Variants in ASTN2 observed in about 807,000 individuals in gnomAD.
The protein encoded by ASTN2 is astrotactin-2.
In ASTN2, 54 loss-of-function variants were observed where a neutral mutation model predicts 139.8. The observed-to-expected ratio is 0.39, with a 90% CI of 0.31 to 0.48. The LOEUF (loss-of-function observed/expected upper bound fraction) is 0.48. Among genes scored for constraint, ASTN2 ranks in the 20% least tolerant of loss-of-function variants. ASTN2 has a pLI of 0.95. For synonymous variants in ASTN2, 756 were observed against 719.5 expected (o/e 1.05, Z -0.81); for missense variants, 1,565 against 1,725.1 (o/e 0.91, Z 1.64).
chr9:116,737,610 CGTGTGTGTGTGTGTGTGT>C (rs57891581), intron 13 of ASTN2, among the ~76,000 whole-genome samples: 2 of 137,348 alleles, frequency 1.5e-5, no homozygotes, highest in South Asian at 2.7e-4. Flanking sequence ...CATGTGCCAA[CGTGTGTGTGTGTGTGTGT>C]GTGTGTGTGT....
chr9:116,509,015 A>T (rs933790219), intron 19 of ASTN2, among the ~76,000 whole-genome samples: 2 of 151,938 alleles, frequency 1.3e-5, no homozygotes, highest in East Asian at 1.9e-4. Flanking sequence ...TTATATATAT[A>T]TTTTTAACTA....
rs1031916434 is a variant in ASTN2 at position 117,262,413 on chromosome 9, A to T, written c.630+28913T>A. On this transcript the variant is annotated intron_variant, in intron 2 of 22. Transcript: ENST00000313400. ...TGTTTCTTTTTTTATTTATTTATTT[A>T]TTTATTTTTTATCTCCTTAGCATCC... is the stretch of plus-strand genomic sequence containing the variant. Among the ~76,000 whole-genome samples, 707 of 117,462 alleles carry T rather than the reference A, an allele frequency of 6.0e-3. 16 individuals carry two copies. The highest frequency in any genetic ancestry group is 0.047 in the Admixed American group (446 of 9,550). 77.1% of individuals were successfully genotyped at this position (117,462 alleles called of 152,430 possible).
chr9:116,610,619 A>G (rs185909008), intron 19 of ASTN2, among the ~76,000 whole-genome samples: 42 of 152,326 alleles, frequency 2.8e-4, no homozygotes, highest in Middle Eastern at 6.8e-3. Flanking sequence ...ACAAAAAAAA[A>G]GTAAAGTAAT....
intron 1 of ASTN2, among the ~76,000 whole-genome samples, chr9:117,371,565 A>G (rs925294315): frequency 2.0e-5 from 3 of 152,092 alleles, no homozygotes; most frequent in African/African-American, 4.8e-5. Flanking sequence ...CTTCCCCCCA[A>G]TAGTTGTGTG....
chr9:116,755,342 A>T (rs1216876301), intron 13 of ASTN2, among the ~76,000 whole-genome samples: 1 of 152,156 alleles, frequency 6.6e-6, no homozygotes, highest in African/African-American at 2.4e-5. Context: ...GTATTCAGAC[A>T]TAGGGCCCTT....
intron 3 of ASTN2, among the ~76,000 whole-genome samples, chr9:117,187,762 A>G (rs984169343): frequency 3.3e-5 from 5 of 151,906 alleles, no homozygotes; most frequent in Non-Finnish European, 7.4e-5. Flanking sequence ...TGGAAGAAAT[A>G]AATTTATTTT....
At chr9:117,113,637 C>T (rs999240251) in intron 4 of ASTN2, among the ~76,000 whole-genome samples, 2 of 151,230 alleles carry the variant, frequency 1.3e-5, no homozygotes, top group Non-Finnish European at 2.9e-5. Flanking sequence ...GCCTGGGCAA[C>T]AAGAGCAAAA....
chr9:117,073,730 TG>T (rs1828198203), intron 5 of ASTN2, among the ~76,000 whole-genome samples: 1 of 152,124 alleles, frequency 6.6e-6, no homozygotes, highest in South Asian at 2.1e-4. Context: ...GGGGTGCTCT[TG>T]GGTAACTCCA....
At chr9:117,114,907 C>A (rs1343558992) in intron 4 of ASTN2, among the ~76,000 whole-genome samples, 1 of 152,118 alleles carries the variant, frequency 6.6e-6, no homozygotes, top group African/African-American at 2.4e-5. Flanking sequence ...AGCTCTTAGC[C>A]AACAACTGCA....
At chr9:116,473,388 T>C (rs1197739003) in intron 20 of ASTN2, among the ~76,000 whole-genome samples, 1 of 152,174 alleles carries the variant, frequency 6.6e-6, no homozygotes, top group African/African-American at 2.4e-5. Flanking sequence ...AGAAACATTA[T>C]AGGTTCAAGG....
chr9:116,425,441 G>T lies in ASTN2; in HGVS notation c.*410C>A. Reference sequence around the variant, plus strand: ...CAAAACTGTCTCCTCTAGGGGTCAGGTCAAAACTGTCCCTCCATAGGTCTC... The same window carrying T: ...CAAAACTGTCTCCTCTAGGGGTCAGTTCAAAACTGTCCCTCCATAGGTCTC... On this transcript the variant is annotated 3_prime_UTR_variant, in exon 23 of 23. Coordinates refer to ENST00000313400, the MANE Select transcript of ASTN2 (RefSeq NM_001365068.1). The T allele has an allele frequency of 4.4e-6, 4 of 914,958 alleles. No homozygotes were observed. Among genetic ancestry groups the T allele is most frequent in the Admixed American group, 5.1e-5 (2 of 39,368 alleles). 56.7% of individuals were successfully genotyped at this position (914,958 alleles called of 1,614,324 possible). A position where few individuals can be genotyped will look rare whatever the true frequency, so the allele number is the denominator to read the frequency against.
chr9:117,121,017 C>T (rs527772691), intron 4 of ASTN2, among the ~76,000 whole-genome samples: 1 of 152,324 alleles, frequency 6.6e-6, no homozygotes, highest in Admixed American at 6.5e-5. Context: ...CTGGGGTACA[C>T]AGTATGTGTC....
intron 5 of ASTN2, among the ~76,000 whole-genome samples, chr9:117,040,706 G>T (rs542045858): frequency 6.6e-6 from 1 of 152,206 alleles, no homozygotes; most frequent in Admixed American, 6.5e-5. Flanking sequence ...TGATCCACCC[G>T]CCTCAGCCTC....
At chr9:116,474,151 A>G (rs1848905089) in intron 20 of ASTN2, among the ~76,000 whole-genome samples, 1 of 152,162 alleles carries the variant, frequency 6.6e-6, no homozygotes, top group South Asian at 2.1e-4. Flanking sequence ...TCAAGACCCC[A>G]TGCTCGTAGA....
At chr9:116,855,610 T>C (rs1193072374) in intron 11 of ASTN2, among the ~76,000 whole-genome samples, 4 of 152,214 alleles carry the variant, frequency 2.6e-5, no homozygotes, top group African/African-American at 7.2e-5. Context: ...TCATGCTTCC[T>C]GACATTGGGG....
At chr9:116,684,522 A>T (rs1420100305) in intron 16 of ASTN2, among the ~76,000 whole-genome samples, 1 of 152,196 alleles carries the variant, frequency 6.6e-6, no homozygotes, top group African/African-American at 2.4e-5. Context: ...TGTACTCCTC[A>T]TCCTAGGACT....
intron 16 of ASTN2, among the ~76,000 whole-genome samples, chr9:116,654,128 C>G (rs2131936555): frequency 6.6e-6 from 1 of 152,332 alleles, no homozygotes; most frequent in Admixed American, 6.5e-5. Flanking sequence ...AATGAGGACA[C>G]TAGGGACTCA....
chr9:117,078,533 C>T (rs1398783125), intron 5 of ASTN2, among the ~76,000 whole-genome samples: 1 of 152,180 alleles, frequency 6.6e-6, no homozygotes, highest in Non-Finnish European at 1.5e-5. Context: ...TCAGGAAAGA[C>T]ATTACAGAAT....
intron 1 of ASTN2, among the ~76,000 whole-genome samples, chr9:117,301,460 G>T (rs982689483): frequency 1.3e-5 from 2 of 152,118 alleles, no homozygotes; most frequent in African/African-American, 4.8e-5. Context: ...AACCCACATA[G>T]GTAAAGTAGA....
Sources: allele counts gnomAD v4.1 joint callset (sites outside exome capture counted in the v4.1 genomes callset), GRCh38; gene constraint gnomAD v4.1.1; transcripts MANE v1.5; gene names NCBI Gene and HGNC (gene_info 2026-07-23, HGNC 2026-07-21).